Variants in ST3GAL3 observed in about 807,000 individuals in gnomAD.
The protein encoded by ST3GAL3 is ST3 beta-galactoside alpha-2,3-sialyltransferase 3.
ST3GAL3 carries 21 observed loss-of-function variants against 50.1 expected under a neutral mutation model. The ratio of observed to expected loss-of-function variants is 0.42; its 90% CI spans 0.30 to 0.60. The LOEUF (loss-of-function observed/expected upper bound fraction) is 0.60, where lower values mean the gene tolerates loss of function less well. Ranked by LOEUF, ST3GAL3 falls within the 20% of genes least tolerant of loss-of-function variation. The pLI is 0.19. For synonymous variants in ST3GAL3, 183 were observed against 190.0 expected, an observed-to-expected ratio of 0.96 and a Z score of 0.30; for missense variants, 353 against 489.4, an observed-to-expected ratio of 0.72 and a Z score of 2.63.
intron 2 of ST3GAL3, among the ~76,000 whole-genome samples, chr1:43,753,203 C>T (rs1011462159): frequency 6.6e-5 from 10 of 152,150 alleles, no homozygotes; most frequent in African/African-American, 2.4e-4. Flanking sequence ...CTGTAGGGAC[C>T]CTGTACACGC....
At chr1:43,798,742 C>T (rs2058977596) in intron 3 of ST3GAL3, among the ~76,000 whole-genome samples, 1 of 152,174 alleles carries the variant, frequency 6.6e-6, no homozygotes, top group South Asian at 2.1e-4. Flanking sequence ...TGCTTATTTA[C>T]TTGCACACTG....
At chr1:43,793,842 G>A (rs2058372038) in intron 3 of ST3GAL3, among the ~76,000 whole-genome samples, 1 of 152,162 alleles carries the variant, frequency 6.6e-6, no homozygotes, top group African/African-American at 2.4e-5. Context: ...CAGCACTTTG[G>A]GAGGCTGAGA....
intron 2 of ST3GAL3, among the ~76,000 whole-genome samples, chr1:43,785,077 A>G (rs1336249696): frequency 1.3e-5 from 2 of 148,700 alleles, no homozygotes; most frequent in Non-Finnish European, 3.0e-5. Context: ...TTTGTTTGGG[A>G]TTGGGGTTGG....
At chr1:43,757,358 T>G (rs79378245) in intron 2 of ST3GAL3, among the ~76,000 whole-genome samples, 1,592 of 152,258 alleles carry the variant, frequency 0.01, 35 homozygotes, top group African/African-American at 0.036. Context: ...GTCAAACCAT[T>G]TTGAAAAAGA....
chr1:43,813,508 T>G (rs1375077110), intron 3 of ST3GAL3, among the ~76,000 whole-genome samples: 1 of 152,234 alleles, frequency 6.6e-6, no homozygotes, highest in East Asian at 1.9e-4. Context: ...GGAAAGACTT[T>G]CACTTGCTCA....
chr1:43,709,096 G>C (rs1443914349), intron 1 of ST3GAL3, among the ~76,000 whole-genome samples: 2 of 152,200 alleles, frequency 1.3e-5, no homozygotes, highest in African/African-American at 4.8e-5. Context: ...GCTTGAATTG[G>C]GTCATGAAGA....
In ST3GAL3 at chr1:43,899,279, T is replaced by C. The variant is rs552922255; in HGVS notation, c.557+16T>C. The C allele has an allele frequency of 1.2e-6, 2 of 1,614,158 alleles. No individual in the cohort carries two copies. Among genetic ancestry groups the C allele is most frequent in the South Asian group, 1.1e-5 (1 of 91,088 alleles). On this transcript the variant is annotated intron_variant, in intron 8 of 11. Coordinates refer to ENST00000347631, the MANE Select transcript of ST3GAL3 (RefSeq NM_006279.5). This position sits in a 1 kb window ranked among gnomAD's most constrained non-coding sequence, Gnocchi z 5.4. ...TTGTGGTGAGGTGAGCTCCCCAAAATGGCACCTCGGGTGAGTGTCGTGGCC... is the reference window on the plus strand; with the variant it reads ...TTGTGGTGAGGTGAGCTCCCCAAAACGGCACCTCGGGTGAGTGTCGTGGCC...
At chr1:43,726,187 A>G (rs1014225298) in intron 1 of ST3GAL3, among the ~76,000 whole-genome samples, 1 of 152,136 alleles carries the variant, frequency 6.6e-6, no homozygotes, top group Non-Finnish European at 1.5e-5. Flanking sequence ...CAGCTAGCTT[A>G]TTGTGATGTC....
Position 43,920,568 on chromosome 1 carries a change from T to C in ST3GAL3, c.891+18T>C. On this transcript the variant is annotated intron_variant, in intron 10 of 11. Transcript: ENST00000347631. ...GCCGGGGGGTGAGATATCTGGGCCC[T>C]GGGAGAGGGAGGAGGAAAGCTGGGT... 1 of 1,609,112 alleles carries C rather than the reference T, an allele frequency of 6.2e-7. No homozygotes were observed. Among genetic ancestry groups the C allele is most frequent in the Non-Finnish European group, 8.5e-7 (1 of 1,177,196 alleles).
At chr1:43,729,060 T>G (rs921460348) in intron 1 of ST3GAL3, among the ~76,000 whole-genome samples, 1 of 151,406 alleles carries the variant, frequency 6.6e-6, no homozygotes, top group Non-Finnish European at 1.5e-5. Flanking sequence ...TAGCTAATTT[T>G]TAAATTTTTT....
At chr1:43,841,819 G>A (rs965456145) in intron 5 of ST3GAL3, 3 of 152,162 alleles carry the variant, frequency 2.0e-5, no homozygotes, top group African/African-American at 7.2e-5. Context: ...TCTTTGCCAT[G>A]TGGCTTGGCT....
chr1:43,732,939 A>G (rs991313356), intron 1 of ST3GAL3, among the ~76,000 whole-genome samples: 22 of 152,092 alleles, frequency 1.4e-4, no homozygotes, highest in African/African-American at 5.1e-4. Context: ...TTTAATAGTA[A>G]AAAATTAATG....
At chr1:43,804,620 G>C (rs2059666631) in intron 3 of ST3GAL3, among the ~76,000 whole-genome samples, 1 of 152,100 alleles carries the variant, frequency 6.6e-6, no homozygotes, top group Non-Finnish European at 1.5e-5. Flanking sequence ...GTTCTTAAAA[G>C]GGAACCCCAA....
chr1:43,791,052 G>T (rs552231371), intron 2 of ST3GAL3, among the ~76,000 whole-genome samples: 5 of 152,104 alleles, frequency 3.3e-5, no homozygotes, highest in Non-Finnish European at 7.4e-5. Flanking sequence ...TTTGCCTCAG[G>T]TCTTCACACA....
intron 5 of ST3GAL3, chr1:43,851,689 C>A: frequency 7.5e-7 from 1 of 1,327,844 alleles, no homozygotes; most frequent in Non-Finnish European, 1.1e-6. Context: ...CATGTGAGGA[C>A]CACAGGTCAG....
intron 9 of ST3GAL3, among the ~76,000 whole-genome samples, chr1:43,915,620 G>A (rs1385923647): frequency 6.6e-6 from 1 of 152,186 alleles, no homozygotes; most frequent in Admixed American, 6.5e-5. Context: ...TTAGAAAATG[G>A]ATGGGTCATG....
At chr1:43,860,961 G>A (rs1039342564) in intron 5 of ST3GAL3, among the ~76,000 whole-genome samples, 1 of 152,192 alleles carries the variant, frequency 6.6e-6, no homozygotes, top group African/African-American at 2.4e-5. Flanking sequence ...GAGGCTGGTC[G>A]GAGGACGAGG....
intron 1 of ST3GAL3, among the ~76,000 whole-genome samples, chr1:43,728,528 T>G (rs1674074724): frequency 6.6e-6 from 1 of 152,110 alleles, no homozygotes; most frequent in Non-Finnish European, 1.5e-5. Context: ...GAGGATCATT[T>G]GAGTCTAGGA....
chr1:43,809,399 T>C (rs536465611), intron 3 of ST3GAL3, among the ~76,000 whole-genome samples: 4 of 152,190 alleles, frequency 2.6e-5, no homozygotes, highest in African/African-American at 4.8e-5. Context: ...ATAGAAACTA[T>C]CTAAAATGAA....
Sources: gnomAD v4.1 joint callset for allele counts (sites outside exome capture counted in the v4.1 genomes callset) on GRCh38, gnomAD v4.1.1 for gene constraint, Gnocchi (gnomAD v3.1) non-coding constraint, MANE v1.5 for transcripts, NCBI Gene and HGNC (gene_info 2026-07-23, HGNC 2026-07-21) for gene names.